ADCK1: variants seen among roughly 807,000 people sequenced by gnomAD.
ADCK1 encodes aarF domain-containing protein kinase 1.
ADCK1 carries 41 observed loss-of-function variants against 52.3 expected under a neutral mutation model. The observed-to-expected ratio is 0.78, with a 90% CI of 0.61 to 1.02. The LOEUF is 1.02. Among genes scored for constraint, ADCK1 ranks in the 50% least tolerant of loss-of-function variants. ADCK1 has a pLI of 0.00. For synonymous variants in ADCK1, 250 were observed against 274.6 expected, an observed-to-expected ratio of 0.91 and a Z score of 0.89; for missense variants, 658 against 679.5, an observed-to-expected ratio of 0.97 and a Z score of 0.35.
intron 4 of ADCK1, among the ~76,000 whole-genome samples, chr14:77,873,759 G>T (rs547351145): frequency 1.4e-4 from 21 of 152,316 alleles, no homozygotes; most frequent in African/African-American, 4.8e-4. Context: ...ATGTGAAGAA[G>T]GAAGTGTTTG....
chr14:77,884,821 A>G (rs949147646), intron 4 of ADCK1, among the ~76,000 whole-genome samples: 15 of 152,358 alleles, frequency 9.8e-5, no homozygotes, highest in African/African-American at 3.4e-4. Flanking sequence ...AGTTACCTGT[A>G]TATCTCTGAA....
intron 3 of ADCK1, among the ~76,000 whole-genome samples, chr14:77,827,514 G>C (rs954448955): frequency 2.6e-5 from 4 of 151,888 alleles, no homozygotes; most frequent in Admixed American, 2.6e-4. Flanking sequence ...AGCCGAATGA[G>C]TCCTTATATA....
chr14:77,863,402 G>A (rs1381620320), intron 4 of ADCK1, among the ~76,000 whole-genome samples: 1 of 152,010 alleles, frequency 6.6e-6, no homozygotes, highest in African/African-American at 2.4e-5. Flanking sequence ...GGAAATTAAG[G>A]GATGATCTTT....
intron 9 of ADCK1, among the ~76,000 whole-genome samples, chr14:77,928,228 G>T (rs1405698916): frequency 6.6e-6 from 1 of 152,110 alleles, no homozygotes; most frequent in Non-Finnish European, 1.5e-5. Flanking sequence ...CCTGTCGTAG[G>T]GAAGACTGGG....
intron 4 of ADCK1, among the ~76,000 whole-genome samples, chr14:77,877,326 C>T (rs2082922771): frequency 6.6e-6 from 1 of 152,228 alleles, no homozygotes; most frequent in African/African-American, 2.4e-5. Context: ...TCCTGAAGCC[C>T]AGGACGTCTG....
chr14:77,915,131 A>G lies in ADCK1; in HGVS notation c.858+7212A>G, dbSNP rs551574230. Among the ~76,000 whole-genome samples, 3 of 152,236 alleles carry G rather than the reference A, an allele frequency of 2.0e-5. 1 individual carries two copies. In the South Asian group the frequency reaches 6.2e-4, roughly 32 times the overall value. On this transcript the variant is annotated intron_variant, in intron 7 of 10. Coordinates refer to ENST00000238561, the MANE Select transcript of ADCK1 (RefSeq NM_020421.4). ...GAAGACCTTCTACCAAAATCACCAGAAGAAAACATCTTCTTCCATTGTCCA... is the reference window on the plus strand; with the variant it reads ...GAAGACCTTCTACCAAAATCACCAGGAGAAAACATCTTCTTCCATTGTCCA...
intron 4 of ADCK1, among the ~76,000 whole-genome samples, chr14:77,883,362 C>T (rs1297249948): frequency 5.8e-5 from 8 of 137,024 alleles, no homozygotes; most frequent in African/African-American, 8.5e-5. Flanking sequence ...GGCTGGGGGA[C>T]GAGGCCTGAT....
chr14:77,934,850 TC>T lies in ADCK1; in HGVS notation c.*1462del, dbSNP rs1208909454. On this transcript the variant is annotated 3_prime_UTR_variant, in exon 11 of 11. Transcript: ENST00000238561. Reference sequence around the variant, plus strand: ...AGTGACAATTCACAATCCTTTTATTTCCCAAAAGAATTAATTGTTCTTAGTG... The same window carrying T: ...AGTGACAATTCACAATCCTTTTATTTCCAAAAGAATTAATTGTTCTTAGTG... 1 of 152,194 alleles carries T rather than the reference TC, an allele frequency of 6.6e-6. No individual in the cohort carries two copies. Among genetic ancestry groups the T allele is most frequent in the African/African-American group, 2.4e-5 (1 of 41,438 alleles). 9.4% of individuals were successfully genotyped at this position (152,194 alleles called of 1,614,324 possible).
At chr14:77,917,004 C>T (rs1238694948) in intron 7 of ADCK1, among the ~76,000 whole-genome samples, 2 of 152,154 alleles carry the variant, frequency 1.3e-5, no homozygotes, top group Non-Finnish European at 2.9e-5. Context: ...GGGAGGATCA[C>T]TTGAGGCCAG....
intron 3 of ADCK1, among the ~76,000 whole-genome samples, chr14:77,836,769 C>CTTT (rs1293120244): frequency 8.2e-4 from 62 of 75,252 alleles, no homozygotes; most frequent in South Asian, 9.1e-4. Context: ...TTCTTTCTTT[C>CTTT]TTTCTTTTTT....
intron 4 of ADCK1, among the ~76,000 whole-genome samples, chr14:77,865,309 G>A (rs560978261): frequency 3.3e-5 from 5 of 152,022 alleles, no homozygotes; most frequent in South Asian, 4.2e-4. Context: ...TGAAACCTCC[G>A]TCTCTACTAA....
At chr14:77,821,350 G>T (rs1213351396) in intron 2 of ADCK1, among the ~76,000 whole-genome samples, 1 of 152,150 alleles carries the variant, frequency 6.6e-6, no homozygotes, top group African/African-American at 2.4e-5. Flanking sequence ...ACCAAGTCTT[G>T]CTTGTGGTTG....
intron 4 of ADCK1, 98 bp from the exon 5 acceptor site, chr14:77,886,993 G>A: frequency 1.5e-6 from 2 of 1,315,400 alleles, no homozygotes; most frequent in Admixed American, 2.4e-5. Context: ...ATCTGTCCTG[G>A]GGGCACTAGG....
chr14:77,828,262 C>T (rs1330048186), intron 3 of ADCK1, among the ~76,000 whole-genome samples: 2 of 152,168 alleles, frequency 1.3e-5, no homozygotes, highest in Non-Finnish European at 2.9e-5. Flanking sequence ...CCATGTTTGG[C>T]CAGCCTCTGC....
At chr14:77,910,933 G>A (rs1312724064) in intron 7 of ADCK1, among the ~76,000 whole-genome samples, 1 of 152,160 alleles carries the variant, frequency 6.6e-6, no homozygotes, top group East Asian at 1.9e-4. Flanking sequence ...ATTAGTGAAT[G>A]GGTAAACAAA....
At chr14:77,852,665 A>AAATATATATATATATAT (rs2082313221) in intron 3 of ADCK1, among the ~76,000 whole-genome samples, 1 of 88,876 alleles carries the variant, frequency 1.1e-5, no homozygotes, top group African/African-American at 5.9e-5. Flanking sequence ...AAATAAATAT[A>AAATATATATATATATAT]TATATATATA....
intron 6 of ADCK1, among the ~76,000 whole-genome samples, chr14:77,907,019 C>T (rs945066137): frequency 1.3e-5 from 2 of 152,088 alleles, no homozygotes; most frequent in African/African-American, 2.4e-5. Context: ...GCTTTGACAG[C>T]GATCCTCCCA....
At chr14:77,864,728 G>C (rs903589149) in intron 4 of ADCK1, among the ~76,000 whole-genome samples, 6 of 152,110 alleles carry the variant, frequency 3.9e-5, no homozygotes, top group African/African-American at 1.4e-4. Flanking sequence ...GAGAGAGACT[G>C]ATTGATGTTA....
Position 77,899,110 on chromosome 14 carries a change from T to C in ADCK1, c.593T>C (p.Leu198Pro), listed in dbSNP as rs1163293318. Reference sequence around the variant, plus strand: ...CTTGTTGGATTTCAGGTGCTCGTTCTGGCTGTGAAGCAGCTGTTCCCAGAG... The same window carrying C: ...CTTGTTGGATTTCAGGTGCTCGTTCCGGCTGTGAAGCAGCTGTTCCCAGAG... Reference protein sequence around the residue: ...KDILLMEVLVLAVKQLFPEFE... With the variant: ...KDILLMEVLVPAVKQLFPEFE... The change falls in exon 6 of 11, where the codon CTG becomes CCG. Residue 198 changes from leucine to proline, a missense_variant. Leu to Pro is a moderately conservative substitution (Grantham distance 98, BLOSUM62 -3). Transcript: ENST00000238561. 6.2e-7 allele frequency: 1 copy of C among 1,613,726 alleles called. No individual in the cohort carries two copies. The highest frequency in any genetic ancestry group is 1.1e-5 in the South Asian group (1 of 91,070).
Sources: allele counts gnomAD v4.1 joint callset (sites outside exome capture counted in the v4.1 genomes callset), GRCh38; gene constraint gnomAD v4.1.1; transcripts MANE v1.5; gene names NCBI Gene and HGNC (gene_info 2026-07-23, HGNC 2026-07-21).